The following GHR variants were observed in gnomAD, a reference collection of about 807,000 sequenced individuals.
GHR encodes growth hormone receptor.
Under a neutral mutation model 67.1 loss-of-function variants are expected in GHR, and 35 were observed. The observed-to-expected ratio is 0.52, with a 90% CI of 0.40 to 0.69. The LOEUF (loss-of-function observed/expected upper bound fraction) is 0.69, where lower values mean the gene tolerates loss of function less well. Ranked by LOEUF, GHR falls within the 30% of genes least tolerant of loss-of-function variation. The pLI is 0.00. For missense variants in GHR, 792 were observed against 764.6 expected (o/e 1.04, Z -0.42); for synonymous variants, 272 against 269.1 (o/e 1.01, Z -0.10).
chr5:42,617,652 G>A (rs1015244697), intron 2 of GHR, among the ~76,000 whole-genome samples: 1 of 149,432 alleles, frequency 6.7e-6, no homozygotes, highest in African/African-American at 2.4e-5. Flanking sequence ...CATTCGATCA[G>A]GGAATACTTA....
chr5:42,631,568 T>C (rs1753929781), intron 3 of GHR, among the ~76,000 whole-genome samples: 1 of 152,198 alleles, frequency 6.6e-6, no homozygotes, highest in African/African-American at 2.4e-5. Flanking sequence ...GTACTCAGTC[T>C]TTAGCTGTGT....
chr5:42,714,308 T>C (rs918890181), intron 8 of GHR: 1 of 152,194 alleles, frequency 6.6e-6, no homozygotes, highest in East Asian at 1.9e-4. Flanking sequence ...TCCTGGTTTT[T>C]AGCAATGCAA....
At chr5:42,526,546 G>A (rs767781516) in intron 1 of GHR, among the ~76,000 whole-genome samples, 13 of 152,176 alleles carry the variant, frequency 8.5e-5, no homozygotes, top group Admixed American at 1.3e-4. Flanking sequence ...GGAAGAATAC[G>A]TCAATAGAAG....
At chr5:42,450,749 CTT>C (rs1198315742) in intron 1 of GHR, among the ~76,000 whole-genome samples, 2 of 151,990 alleles carry the variant, frequency 1.3e-5, no homozygotes, top group Admixed American at 6.6e-5. Context: ...CTCTTTCAGA[CTT>C]TTTGATTTAG....
At chr5:42,654,826 C>T (rs912092018) in intron 3 of GHR, among the ~76,000 whole-genome samples, 1 of 152,122 alleles carries the variant, frequency 6.6e-6, no homozygotes, top group Non-Finnish European at 1.5e-5. Flanking sequence ...GAGCACGTAC[C>T]TACTCTAGCA....
At chr5:42,477,251 T>G (rs1315253456) in intron 1 of GHR, among the ~76,000 whole-genome samples, 1 of 152,164 alleles carries the variant, frequency 6.6e-6, no homozygotes, top group Admixed American at 6.5e-5. Flanking sequence ...ATGGTGTATA[T>G]GTGCCACATT....
chr5:42,629,195 G>T lies in GHR; in HGVS notation c.136+92G>T, dbSNP rs1726771955. On this transcript the variant is annotated intron_variant, in intron 3 of 9. Transcript: ENST00000230882. ...ATCCTTTCTCTATTTTATTTGGGATGGTAGTAACTGGAATAGTGACTGAGT... is the reference window on the plus strand; with the variant it reads ...ATCCTTTCTCTATTTTATTTGGGATTGTAGTAACTGGAATAGTGACTGAGT... 3 of 740,582 alleles carry T rather than the reference G, an allele frequency of 4.1e-6. 1 individual carries two copies. In the African/African-American group the frequency reaches 6.7e-5, roughly 17 times the overall value. The allele number at this position is 740,582 out of a possible 1,614,324, so 45.9% of individuals were successfully genotyped here.
At position 42,511,398 on chromosome 5, in the gene GHR, A is replaced by C. The variant is rs190407391; in HGVS notation, c.-11-54466A>C. 7.2e-5 allele frequency among the ~76,000 whole-genome samples: 11 copies of C among 152,326 alleles called. No individual in the cohort carries two copies. In the East Asian group the frequency reaches 1.2e-3, roughly 16 times the overall value. ...CTCATGTATTGGCTGAACCACATCC[A>C]TAAGTATTAAGATCCGTGAGGGCAA... On this transcript the variant is annotated intron_variant, in intron 1 of 9. Transcript: ENST00000230882.
chr5:42,595,901 C>T (rs1264140867), intron 2 of GHR, among the ~76,000 whole-genome samples: 1 of 152,168 alleles, frequency 6.6e-6, no homozygotes, highest in Non-Finnish European at 1.5e-5. Context: ...GCCTTAATAT[C>T]TTTTCATTTG....
rs147762140 is a variant in GHR at position 42,697,063 on chromosome 5, T to C, written c.439+1974T>C. Among the ~76,000 whole-genome samples the C allele has an allele frequency of 4.2e-3, 644 of 152,294 alleles. 8 individuals carry two copies. The highest frequency in any genetic ancestry group is 0.014 in the African/African-American group (564 of 41,556). Reference sequence around the variant, plus strand: ...CTGAGATGATCAAGGTAAAAGATTATGACAGGTAGCTACAACTAGCACAAT... The same window carrying C: ...CTGAGATGATCAAGGTAAAAGATTACGACAGGTAGCTACAACTAGCACAAT... On this transcript the variant is annotated intron_variant, in intron 5 of 9. Transcript: ENST00000230882.
At chr5:42,644,737 G>T (rs1161244045) in intron 3 of GHR, among the ~76,000 whole-genome samples, 2 of 151,596 alleles carry the variant, frequency 1.3e-5, no homozygotes, top group Non-Finnish European at 2.9e-5. Context: ...GATAGTGGAA[G>T]TACACAAAAC....
chr5:42,671,239 T>G (rs901653851), intron 3 of GHR, among the ~76,000 whole-genome samples: 2 of 152,156 alleles, frequency 1.3e-5, no homozygotes, highest in African/African-American at 4.8e-5. Flanking sequence ...ATGAAATTTT[T>G]ATTCATGGCA....
chr5:42,515,640 C>A (rs960627173), intron 1 of GHR, among the ~76,000 whole-genome samples: 1 of 152,214 alleles, frequency 6.6e-6, no homozygotes, highest in Admixed American at 6.5e-5. Context: ...GAAAATCATT[C>A]TTGAATTAAC....
chr5:42,459,654 G>A (rs1007591072), intron 1 of GHR, among the ~76,000 whole-genome samples: 5 of 150,548 alleles, frequency 3.3e-5, no homozygotes, highest in African/African-American at 7.3e-5. Context: ...TAGTACCCCC[G>A]AACTTAAAAG....
At chr5:42,491,655 C>A (rs188515179) in intron 1 of GHR, among the ~76,000 whole-genome samples, 1 of 152,228 alleles carries the variant, frequency 6.6e-6, no homozygotes, top group African/African-American at 2.4e-5. Flanking sequence ...AACAGGCATA[C>A]CTTATTGTAT....
intron 3 of GHR, among the ~76,000 whole-genome samples, chr5:42,637,641 T>A (rs920375038): frequency 6.6e-6 from 1 of 152,174 alleles, no homozygotes; most frequent in African/African-American, 2.4e-5. Flanking sequence ...ATTTTGTTCT[T>A]TTTTATGGCT....
In GHR at chr5:42,713,583, T is replaced by C. The variant is rs1758578068; in HGVS notation, c.875+64T>C. On this transcript the variant is annotated intron_variant, in intron 8 of 9. Transcript: ENST00000230882. ...TTGTTTAGATTTCCATATGTGTTTC[T>C]ATTTGTTATTTGATATTTTCTTTGT... 3.8e-6 allele frequency: 3 copies of C among 795,854 alleles called. No homozygotes were observed. The South Asian group carries it at 4.1e-5, about 11-fold the overall frequency. The allele number at this position is 795,854 out of a possible 1,614,324, so 49.3% of individuals were successfully genotyped here.
intron 1 of GHR, among the ~76,000 whole-genome samples, chr5:42,435,308 A>G (rs1743276466): frequency 6.6e-6 from 1 of 152,186 alleles, no homozygotes; most frequent in African/African-American, 2.4e-5. Context: ...ACGTGCCTGT[A>G]TTATTGTCAC....
intron 5 of GHR, among the ~76,000 whole-genome samples, chr5:42,697,132 A>G (rs979566168): frequency 2.6e-5 from 4 of 152,194 alleles, no homozygotes; most frequent in Admixed American, 6.5e-5. Context: ...ACAAAGAACT[A>G]ATGTAACCCT....
Sources: allele counts gnomAD v4.1 joint callset (sites outside exome capture counted in the v4.1 genomes callset), GRCh38; gene constraint gnomAD v4.1.1; transcripts MANE v1.5; gene names NCBI Gene and HGNC (gene_info 2026-07-23, HGNC 2026-07-21).